The following EPHA5 variants were observed in gnomAD, a reference collection of about 807,000 sequenced individuals.
EPHA5 encodes the protein EPH receptor A5, also known as ephrin type-A receptor 5.
A neutral mutation model predicts 105.0 loss-of-function variants in EPHA5; 60 were observed. The observed-to-expected ratio is 0.57, with a 90% CI of 0.46 to 0.71. EPHA5 has a LOEUF of 0.71. Among genes scored for constraint, EPHA5 ranks in the 30% least tolerant of loss-of-function variants. The pLI, the probability that EPHA5 is intolerant of heterozygous loss-of-function variation, is 0.00. For synonymous variants in EPHA5, 513 were observed against 449.1 expected (o/e 1.14, Z -1.80); for missense variants, 1,218 against 1,274.7 (o/e 0.96, Z 0.68).
chr4:65,608,523 G>A (rs1340423250), intron 2 of EPHA5, among the ~76,000 whole-genome samples: 1 of 151,270 alleles, frequency 6.6e-6, no homozygotes, highest in Non-Finnish European at 1.5e-5. Flanking sequence ...AAGAAAAAAA[G>A]AAAAAAGAAA....
chr4:65,516,934 A>G (rs1001261910), intron 3 of EPHA5, among the ~76,000 whole-genome samples: 1 of 152,148 alleles, frequency 6.6e-6, no homozygotes, highest in African/African-American at 2.4e-5. Flanking sequence ...CTACACTTGT[A>G]AAGAATGTGT....
At chr4:65,459,963 C>T (rs1395644870) in intron 5 of EPHA5, among the ~76,000 whole-genome samples, 1 of 151,692 alleles carries the variant, frequency 6.6e-6, no homozygotes. Flanking sequence ...AGTGCTAATG[C>T]TGGGTATAGG....
At chr4:65,527,013 A>G (rs144633779) in intron 3 of EPHA5, among the ~76,000 whole-genome samples, 398 of 152,192 alleles carry the variant, frequency 2.6e-3, no homozygotes, top group African/African-American at 9.0e-3. Flanking sequence ...TTTCAAATAA[A>G]TCAGACTAAA....
intron 5 of EPHA5, among the ~76,000 whole-genome samples, chr4:65,438,157 A>G (rs1246591792): frequency 6.6e-6 from 1 of 151,952 alleles, no homozygotes; most frequent in African/African-American, 2.4e-5. Context: ...TACTTTCTTG[A>G]CATTTGCATT....
At chr4:65,602,330 A>G in intron 2 of EPHA5, 26 bp from the exon 3 acceptor site, 1 of 1,326,958 alleles carries the variant, frequency 7.5e-7, no homozygotes, top group South Asian at 1.5e-5. Context: ...TAGAAAGATA[A>G]AAAAAATTCA....
chr4:65,411,756 G>A (rs76331086), intron 7 of EPHA5, among the ~76,000 whole-genome samples: 58,194 of 151,974 alleles, frequency 0.38, 12,594 homozygotes, highest in South Asian at 0.49. Flanking sequence ...CAATACAAAA[G>A]TTCTGGAAAA....
intron 5 of EPHA5, among the ~76,000 whole-genome samples, chr4:65,484,282 G>C (rs1730669199): frequency 6.6e-6 from 1 of 152,146 alleles, no homozygotes; most frequent in Admixed American, 6.6e-5. Flanking sequence ...GATTTAGTCT[G>C]TGGGAACACT....
chr4:65,389,457 A>T (rs1176657614), intron 8 of EPHA5, among the ~76,000 whole-genome samples: 1 of 152,038 alleles, frequency 6.6e-6, no homozygotes, highest in African/African-American at 2.4e-5. Flanking sequence ...ATATTTCTCC[A>T]TATTTTGAAA....
At chr4:65,614,186 A>T (rs766611661) in intron 2 of EPHA5, among the ~76,000 whole-genome samples, 13 of 151,924 alleles carry the variant, frequency 8.6e-5, no homozygotes, top group Non-Finnish European at 1.5e-4. Context: ...TGCTTAGGTT[A>T]TCAATCACAG....
chr4:65,328,490 C>T (rs1392790132), intron 16 of EPHA5, among the ~76,000 whole-genome samples: 2 of 151,200 alleles, frequency 1.3e-5, no homozygotes, highest in Non-Finnish European at 3.0e-5. Flanking sequence ...TCATTCTTCT[C>T]CCTTCTACTT....
intron 8 of EPHA5, among the ~76,000 whole-genome samples, chr4:65,391,515 T>G (rs1245848934): frequency 6.6e-6 from 1 of 152,138 alleles, no homozygotes; most frequent in African/African-American, 2.4e-5. Flanking sequence ...CTTCCAGACA[T>G]GGCTCAGGAA....
At chr4:65,339,433 C>T (rs996370529) in intron 14 of EPHA5, among the ~76,000 whole-genome samples, 1 of 152,062 alleles carries the variant, frequency 6.6e-6, no homozygotes, top group African/African-American at 2.4e-5. Flanking sequence ...CACTTAATAT[C>T]ATGGATACGT....
chr4:65,333,988 A>G (rs1467592510), intron 15 of EPHA5, among the ~76,000 whole-genome samples: 1 of 151,802 alleles, frequency 6.6e-6, no homozygotes, highest in East Asian at 1.9e-4. Context: ...AATATATTGT[A>G]CAGCCGACCA....
At chr4:65,606,686 A>G (rs1012590665) in intron 2 of EPHA5, among the ~76,000 whole-genome samples, 2 of 152,286 alleles carry the variant, frequency 1.3e-5, no homozygotes, top group African/African-American at 2.4e-5. Flanking sequence ...TTGTGAGCCT[A>G]TGTTTTCAAA....
intron 2 of EPHA5, among the ~76,000 whole-genome samples, chr4:65,610,814 A>G (rs1403545118): frequency 6.6e-6 from 1 of 152,122 alleles, no homozygotes; most frequent in Non-Finnish European, 1.5e-5. Context: ...TGCAAATAAC[A>G]AATAGGTTTA....
At chr4:65,364,360 C>T (rs59752945) in intron 11 of EPHA5, among the ~76,000 whole-genome samples, 21,058 of 151,498 alleles carry the variant, frequency 0.14, 1,824 homozygotes, top group African/African-American at 0.25. Context: ...AAATACATTA[C>T]TTGTTGACTG....
intron 5 of EPHA5, among the ~76,000 whole-genome samples, chr4:65,427,716 A>T (rs1223514837): frequency 6.6e-6 from 1 of 152,208 alleles, no homozygotes; most frequent in Non-Finnish European, 1.5e-5. Context: ...AACATGGGAA[A>T]TTACAAAACC....
intron 5 of EPHA5, among the ~76,000 whole-genome samples, chr4:65,440,322 C>T (rs751245308): frequency 2.6e-5 from 4 of 151,644 alleles, no homozygotes; most frequent in Non-Finnish European, 5.9e-5. Context: ...AAGTAATACA[C>T]TAAGAAGAGA....
Position 65,322,996 on chromosome 4 carries a change from C to T in EPHA5, c.*1118G>A, listed in dbSNP as rs1719759955. 1 of 229,148 alleles carries T rather than the reference C, an allele frequency of 4.4e-6. No individual in the cohort carries two copies. The highest frequency in any genetic ancestry group is 2.2e-5 in the African/African-American group (1 of 45,038). 14.2% of individuals were successfully genotyped at this position (229,148 alleles called of 1,614,324 possible). Reference sequence around the variant, plus strand: ...TTAACAACATTAACAGAAGCCTGCACAGTTAAATCCTTCTACATCCTGCTG... The same window carrying T: ...TTAACAACATTAACAGAAGCCTGCATAGTTAAATCCTTCTACATCCTGCTG... On this transcript the variant is annotated 3_prime_UTR_variant, in exon 17 of 17. Transcript: ENST00000613740.
Sources: allele counts gnomAD v4.1 joint callset (sites outside exome capture counted in the v4.1 genomes callset), GRCh38; gene constraint gnomAD v4.1.1; transcripts MANE v1.5; gene names NCBI Gene and HGNC (gene_info 2026-07-23, HGNC 2026-07-21).